PARD3B: variants seen among roughly 807,000 people sequenced by gnomAD.
PARD3B encodes partitioning defective 3 homolog B.
In PARD3B, 103 loss-of-function variants were observed where a neutral mutation model predicts 130.2. That is an observed-to-expected ratio of 0.79 (90% CI 0.67 to 0.93). PARD3B has a LOEUF of 0.93. PARD3B is among the 40% of genes least tolerant of loss of function. The probability of loss-of-function intolerance (pLI) is 0.00; values close to 1 mark genes in which losing one functional copy is unlikely to be tolerated. For synonymous variants in PARD3B, 583 were observed against 553.2 expected (o/e 1.05, Z -0.76); for missense variants, 1,609 against 1,499.2 (o/e 1.07, Z -1.21).
rs151210038 is a variant in PARD3B, at chr2:204,926,154, A to G, written c.223-38998A>G. 3.8e-3 allele frequency among the ~76,000 whole-genome samples: 585 copies of G among 152,186 alleles called. 6 individuals carry two copies. Among genetic ancestry groups the G allele is most frequent in the African/African-American group, 0.014 (563 of 41,540 alleles). Reference sequence around the variant, plus strand: ...AGCAACTTTGGCTTTGGTAGTGAGCACTAGGCACCTGGATTTGTCACCCAG... The same window carrying G: ...AGCAACTTTGGCTTTGGTAGTGAGCGCTAGGCACCTGGATTTGTCACCCAG... On this transcript the variant is annotated intron_variant, in intron 2 of 22. Transcript: ENST00000406610.
chr2:205,510,857 A>C (rs2050561881), intron 21 of PARD3B, among the ~76,000 whole-genome samples: 1 of 152,222 alleles, frequency 6.6e-6, no homozygotes, highest in Non-Finnish European at 1.5e-5. Flanking sequence ...TGCCTTATAT[A>C]AGCTATTCCA....
chr2:204,919,639 C>A (rs2047587863), intron 2 of PARD3B, among the ~76,000 whole-genome samples: 1 of 152,070 alleles, frequency 6.6e-6, no homozygotes, highest in African/African-American at 2.4e-5. Context: ...TTTATCCTTC[C>A]TCCTGATAAT....
At chr2:204,635,883 A>G (rs2034857613) in intron 1 of PARD3B, among the ~76,000 whole-genome samples, 1 of 152,168 alleles carries the variant, frequency 6.6e-6, no homozygotes, top group African/African-American at 2.4e-5. Context: ...TAGTCTTTGA[A>G]CCACTATACT....
intron 2 of PARD3B, among the ~76,000 whole-genome samples, chr2:204,945,305 T>C (rs1485913113): frequency 6.6e-6 from 1 of 152,130 alleles, no homozygotes; most frequent in Non-Finnish European, 1.5e-5. Context: ...CATTGATTGG[T>C]TCAGGTCCGG....
chr2:205,202,073 C>A (rs1470802517), intron 15 of PARD3B, among the ~76,000 whole-genome samples: 9 of 152,088 alleles, frequency 5.9e-5, no homozygotes, highest in Non-Finnish European at 1.0e-4. Flanking sequence ...CACCTCCATC[C>A]ACGGCAGGCC....
intron 15 of PARD3B, among the ~76,000 whole-genome samples, chr2:205,199,099 A>C (rs1196275957): frequency 6.6e-6 from 1 of 152,190 alleles, no homozygotes; most frequent in Admixed American, 6.6e-5. Context: ...TAGTAAGTCA[A>C]AATAAAGGAA....
intron 15 of PARD3B, among the ~76,000 whole-genome samples, chr2:205,234,983 A>T (rs2038998977): frequency 6.6e-6 from 1 of 152,236 alleles, no homozygotes; most frequent in Non-Finnish European, 1.5e-5. Flanking sequence ...AAAGTATTTG[A>T]ACTACATGAA....
In PARD3B at chr2:204,908,634, G is replaced by A. The variant is rs182353906; in HGVS notation, c.223-56518G>A. Among the ~76,000 whole-genome samples the A allele has an allele frequency of 5.1e-4, 77 of 152,240 alleles. 1 individual carries two copies. The highest frequency in any genetic ancestry group is 9.6e-4 in the Non-Finnish European group (65 of 68,016). The stretch of plus-strand genomic sequence containing the variant: ...AGAATACACGAGACTGAAATGGAGC[G>A]TCGAAATGGAAATAATGTTGTACTG... On this transcript the variant is annotated intron_variant, in intron 2 of 22. Coordinates refer to ENST00000406610, the MANE Select transcript of PARD3B (RefSeq NM_001302769.2).
At chr2:204,744,801 G>T (rs1203390117) in intron 2 of PARD3B, among the ~76,000 whole-genome samples, 1 of 152,108 alleles carries the variant, frequency 6.6e-6, no homozygotes, top group East Asian at 1.9e-4. Flanking sequence ...GAACCATGAG[G>T]AAATTAAAGA....
At chr2:204,584,799 T>G (rs1053656870) in intron 1 of PARD3B, among the ~76,000 whole-genome samples, 1 of 152,210 alleles carries the variant, frequency 6.6e-6, no homozygotes, top group Non-Finnish European at 1.5e-5. Flanking sequence ...AAAGGTCTTC[T>G]GACTCTTAGC....
At chr2:205,448,607 C>A (rs2047988965) in intron 20 of PARD3B, among the ~76,000 whole-genome samples, 1 of 151,970 alleles carries the variant, frequency 6.6e-6, no homozygotes, top group Non-Finnish European at 1.5e-5. Flanking sequence ...TTTGTTATTC[C>A]CTAGATTTTA....
intron 2 of PARD3B, among the ~76,000 whole-genome samples, chr2:204,949,885 C>T (rs1008074237): frequency 2.0e-5 from 3 of 152,056 alleles, no homozygotes; most frequent in African/African-American, 4.8e-5. Flanking sequence ...CTAATTAGAA[C>T]ATAGTATGAT....
intron 2 of PARD3B, among the ~76,000 whole-genome samples, chr2:204,773,300 T>G (rs2041468656): frequency 6.6e-6 from 1 of 151,974 alleles, no homozygotes; most frequent in African/African-American, 2.4e-5. Flanking sequence ...TAGACCTTAC[T>G]TTGCTTAGAA....
At chr2:204,977,531 C>G (rs1195477117) in intron 3 of PARD3B, among the ~76,000 whole-genome samples, 1 of 151,716 alleles carries the variant, frequency 6.6e-6, no homozygotes, top group Non-Finnish European at 1.5e-5. Flanking sequence ...CTTGGTAGGC[C>G]GGGCGCGGTG....
intron 2 of PARD3B, among the ~76,000 whole-genome samples, chr2:204,767,009 T>A (rs1384862122): frequency 6.8e-6 from 1 of 146,282 alleles, no homozygotes; most frequent in Non-Finnish European, 1.5e-5. Flanking sequence ...TTTTTATTTT[T>A]TTATTATACT....
chr2:205,591,269 T>C lies in PARD3B; in HGVS notation c.3261-24187T>C, dbSNP rs1016931245. 6.6e-5 allele frequency among the ~76,000 whole-genome samples: 10 copies of C among 152,322 alleles called. No individual in the cohort carries two copies. The highest frequency in any genetic ancestry group is 2.4e-4 in the African/African-American group (10 of 41,572). On this transcript the variant is annotated intron_variant, in intron 22 of 22. Coordinates refer to ENST00000406610, the MANE Select transcript of PARD3B (RefSeq NM_001302769.2). The surrounding 1 kb of genome is among the most constrained non-coding windows in gnomAD (Gnocchi z 4.2). Reference sequence around the variant, plus strand: ...TTTTTCAATGAACATAGTCCATACATTTTGGGAAAGTGGTAATAACTTGCT... The same window carrying C: ...TTTTTCAATGAACATAGTCCATACACTTTGGGAAAGTGGTAATAACTTGCT...
intron 22 of PARD3B, among the ~76,000 whole-genome samples, chr2:205,573,588 G>A (rs1210263963): frequency 6.6e-6 from 1 of 152,156 alleles, no homozygotes; most frequent in Non-Finnish European, 1.5e-5. Context: ...CTGAATCCTT[G>A]GAAGAGTATT....
At chr2:204,713,978 A>T (rs2038596012) in intron 2 of PARD3B, among the ~76,000 whole-genome samples, 1 of 152,180 alleles carries the variant, frequency 6.6e-6, no homozygotes, top group South Asian at 2.1e-4. Flanking sequence ...CTGTCAGTGT[A>T]CAGAGGTAGG....
At position 204,942,537 on chromosome 2, in the gene PARD3B, G is replaced by A. The variant is rs143386261; in HGVS notation, c.223-22615G>A. On this transcript the variant is annotated intron_variant, in intron 2 of 22. Coordinates refer to ENST00000406610, the MANE Select transcript of PARD3B (RefSeq NM_001302769.2). ...ATTGAAGTTTTATCCCAAGAGAGAA[G>A]TAGAGTGAGAGGAAAACCTCTTTCC... Among the ~76,000 whole-genome samples, 1,361 of 152,106 alleles carry A rather than the reference G, an allele frequency of 8.9e-3. 25 individuals are homozygous for A. The highest frequency in any genetic ancestry group is 0.031 in the African/African-American group (1,291 of 41,502).
Sources: gnomAD v4.1 joint callset for allele counts (sites outside exome capture counted in the v4.1 genomes callset) on GRCh38, gnomAD v4.1.1 for gene constraint, Gnocchi (gnomAD v3.1) non-coding constraint, MANE v1.5 for transcripts, NCBI Gene and HGNC (gene_info 2026-07-23, HGNC 2026-07-21) for gene names.